UGT1A5: variants seen among roughly 807,000 people sequenced by gnomAD.
The protein encoded by UGT1A5 is UDP-glucuronosyltransferase 1A5.
Under a neutral mutation model 40.3 loss-of-function variants are expected in UGT1A5, and 29 were observed. The ratio of observed to expected loss-of-function variants is 0.72; its 90% CI spans 0.54 to 0.98. The LOEUF (loss-of-function observed/expected upper bound fraction) is 0.98, where lower values mean the gene tolerates loss of function less well. Among genes scored for constraint, UGT1A5 ranks in the 50% least tolerant of loss-of-function variants. The pLI is 0.00. For missense variants in UGT1A5, 678 were observed against 677.9 expected (o/e 1.00, Z 0.00); for synonymous variants, 257 against 262.5 (o/e 0.98, Z 0.20).
intron 1 of UGT1A5, chr2:233,760,247 T>TAA: frequency 6.2e-7 from 1 of 1,608,794 alleles, no homozygotes; most frequent in Non-Finnish European, 8.5e-7. Flanking sequence ...TATATATATA[T>TAA]AAGTAGGAGA....
In UGT1A5 at chr2:233,769,769, T is replaced by A. The variant is rs979940706; in HGVS notation, c.1307+1330T>A. 1.4e-6 allele frequency: 2 copies of A among 1,395,436 alleles called. No individual in the cohort carries two copies. Among genetic ancestry groups the A allele is most frequent in the Non-Finnish European group, 1.9e-6 (2 of 1,067,626 alleles). The allele number at this position is 1,395,436 out of a possible 1,614,324, so 86.4% of individuals were successfully genotyped here. ...ACTCTGGAGGCTAAGGCGGGAGGAT[T>A]GCTTGAGCCCAGAAGTTGGAGGCTG... is the stretch of plus-strand genomic sequence containing the variant. On this transcript the variant is annotated intron_variant, in intron 4 of 4. Transcript: ENST00000373414. This position sits in a 1 kb window ranked among gnomAD's most constrained non-coding sequence, Gnocchi z 4.4.
intron 1 of UGT1A5, among the ~76,000 whole-genome samples, chr2:233,733,062 C>T (rs1195165933): frequency 2.0e-5 from 3 of 152,118 alleles, no homozygotes; most frequent in Admixed American, 6.5e-5. Flanking sequence ...ATTTTATTCT[C>T]TTTGTAGCAA....
At chr2:233,771,437 T>C (rs981684428) in intron 4 of UGT1A5, 1 of 152,226 alleles carries the variant, frequency 6.6e-6, no homozygotes, top group Non-Finnish European at 1.5e-5. Context: ...CATTTTGCAC[T>C]AAGTGGCTGC....
chr2:233,749,470 C>T (rs7604115), intron 1 of UGT1A5, among the ~76,000 whole-genome samples: 55,875 of 151,612 alleles, frequency 0.37, 10,826 homozygotes, highest in African/African-American at 0.42. Context: ...GGAACTGTGG[C>T]ACAGATCACT....
intron 1 of UGT1A5, among the ~76,000 whole-genome samples, chr2:233,751,857 T>A (rs1270227415): frequency 6.6e-6 from 1 of 152,184 alleles, no homozygotes; most frequent in African/African-American, 2.4e-5. Context: ...ACCTTTGTCT[T>A]TTATAAATTA....
At chr2:233,733,369 T>G (rs13410335) in intron 1 of UGT1A5, among the ~76,000 whole-genome samples, 57,553 of 151,946 alleles carry the variant, frequency 0.38, 11,204 homozygotes, top group African/African-American at 0.46. Flanking sequence ...GTGAGAGAGG[T>G]CATCCTTGTT....
rs766438569 is a variant in UGT1A5, at chr2:233,729,630, T to G, written c.867+15772T>G. 4 of 1,613,982 alleles carry G rather than the reference T, an allele frequency of 2.5e-6. No homozygotes were observed. The South Asian group carries it at 4.4e-5, about 18-fold the overall frequency. ...TGCTGGCTAAGTACCTGTCGATTCCTACTGTGTTTTTTTTGAGGAACATTC... is the reference window on the plus strand; with the variant it reads ...TGCTGGCTAAGTACCTGTCGATTCCGACTGTGTTTTTTTTGAGGAACATTC... On this transcript the variant is annotated intron_variant, in intron 1 of 4. Transcript: ENST00000373414.
In UGT1A5 at chr2:233,769,373, C is replaced by T. The variant is rs1030548501; in HGVS notation, c.1307+934C>T. On this transcript the variant is annotated intron_variant, in intron 4 of 4. Coordinates refer to ENST00000373414, the MANE Select transcript of UGT1A5 (RefSeq NM_019078.2). The surrounding 1 kb of genome is among the most constrained non-coding windows in gnomAD (Gnocchi z 4.4). The stretch of plus-strand genomic sequence containing the variant: ...AGAAGTGGTGGCCAGTGGTAGATTT[C>T]ATCCGACAATAGATACTGTGTGCAT... Among the ~76,000 whole-genome samples, 1 of 152,206 alleles carries T rather than the reference C, an allele frequency of 6.6e-6. No individual in the cohort carries two copies. The highest frequency in any genetic ancestry group is 2.4e-5 in the African/African-American group (1 of 41,452).
chr2:233,768,250 A>G lies in UGT1A5; in HGVS notation c.1118A>G (p.His373Arg). 1 of 1,614,148 alleles carries G rather than the reference A, an allele frequency of 6.2e-7. No individual in the cohort carries two copies. Among genetic ancestry groups the G allele is most frequent in the South Asian group, 1.1e-5 (1 of 91,078 alleles). ...GHPMTRAFITHAGSHGVYESI... is the reference protein window; with the variant it reads ...GHPMTRAFITRAGSHGVYESI... ...CCGATGACCCGTGCCTTTATCACCC[A>G]TGCTGGTTCCCATGGTGTTTATGAA... The change falls in exon 4 of 5, where the codon CAT becomes CGT. Residue 373 changes from histidine to arginine, a missense_variant. Transcript: ENST00000373414.
At chr2:233,744,078 C>T (rs1450419320) in intron 1 of UGT1A5, 2 of 455,950 alleles carry the variant, frequency 4.4e-6, no homozygotes, top group Non-Finnish European at 7.4e-6. Context: ...CGCCTCGCAT[C>T]CCAAGATGCA....
rs200461003 is a variant in UGT1A5, at chr2:233,713,543, C to A, written c.552C>A (p.Gly184=). ...TTCCATGTGATTTAGACTTTAAGGGCACACAGTGTCCAAACCCTTCCTCCT... is the reference window on the plus strand; with the variant it reads ...TTCCATGTGATTTAGACTTTAAGGGAACACAGTGTCCAAACCCTTCCTCCT... The part of the protein sequence containing the change: ...RNIPCDLDFK[G]TQCPNPSSYI... Residue 184 remains glycine (G), a synonymous_variant, in exon 1 of 5, where the codon GGC becomes GGA. Coordinates refer to ENST00000373414, the MANE Select transcript of UGT1A5 (RefSeq NM_019078.2). 2.1e-4 allele frequency: 343 copies of A among 1,613,956 alleles called. 1 individual carries two copies. The highest frequency in any genetic ancestry group is 4.2e-6 in the Non-Finnish European group (5 of 1,179,872).
intron 1 of UGT1A5, among the ~76,000 whole-genome samples, chr2:233,724,130 C>A (rs2077172730): frequency 2.5e-5 from 3 of 120,862 alleles, no homozygotes; most frequent in Non-Finnish European, 3.4e-5. Flanking sequence ...CCCCTCACCT[C>A]CCGGACGGGG....
intron 1 of UGT1A5, chr2:233,747,636 A>C: frequency 3.8e-6 from 6 of 1,581,726 alleles, no homozygotes; most frequent in East Asian, 2.2e-5. Context: ...CAGGCACCTG[A>C]ATGCTACTTC....
chr2:233,763,501 T>C (rs1395198282), intron 1 of UGT1A5, among the ~76,000 whole-genome samples: 3 of 152,238 alleles, frequency 2.0e-5, no homozygotes, highest in Non-Finnish European at 4.4e-5. Context: ...CAGTTTACTT[T>C]ATGTTTAGTT....
intron 1 of UGT1A5, among the ~76,000 whole-genome samples, chr2:233,749,604 A>G (rs7556676): frequency 0.45 from 68,782 of 151,558 alleles, 16,251 homozygotes; most frequent in South Asian, 0.58. Flanking sequence ...GTCACACTAG[A>G]TTTATCATGA....
At chr2:233,715,060 A>AT (rs2076430472) in intron 1 of UGT1A5, among the ~76,000 whole-genome samples, 2 of 151,556 alleles carry the variant, frequency 1.3e-5, no homozygotes, top group African/African-American at 2.4e-5. Context: ...TTTTTTTTGT[A>AT]TTTTTTATGG....
At position 233,747,777 on chromosome 2, in the gene UGT1A5, A is replaced by G. The variant is rs1038765158; in HGVS notation, c.868-19257A>G. On this transcript the variant is annotated intron_variant, in intron 1 of 4. Transcript: ENST00000373414. ...AGACTTTAAGGGCACACAGTGTCCA[A>G]ATCCTTCCTCCTATATTCCTAAGTT... 11 of 1,613,426 alleles carry G rather than the reference A, an allele frequency of 6.8e-6. No individual in the cohort carries two copies. In the Admixed American group the frequency reaches 1.0e-4, roughly 15 times the overall value.
rs770564267 is a variant in UGT1A5 at position 233,772,524 on chromosome 2, C to A, written c.1570C>A (p.Arg524=). 1.2e-6 allele frequency: 2 copies of A among 1,613,956 alleles called. No individual in the cohort carries two copies. The highest frequency in any genetic ancestry group is 2.2e-5 in the East Asian group (1 of 44,874). Residue 524 remains arginine (R), a synonymous_variant, in exon 5 of 5, where the codon CGA becomes AGA. Transcript: ENST00000373414. ...GYRKCLGKKG[R]VKKAHKSKTH ...CCGGAAATGCTTGGGGAAAAAAGGG[C>A]GAGTTAAGAAAGCCCACAAATCCAA...
chr2:233,734,888 G>C (rs895051650), intron 1 of UGT1A5, among the ~76,000 whole-genome samples: 2 of 152,104 alleles, frequency 1.3e-5, no homozygotes, highest in African/African-American at 4.8e-5. Context: ...ACAGTTTGTT[G>C]TGATTTCTAT....
Sources: gnomAD v4.1 joint callset for allele counts (sites outside exome capture counted in the v4.1 genomes callset) on GRCh38, gnomAD v4.1.1 for gene constraint, Gnocchi (gnomAD v3.1) non-coding constraint, MANE v1.5 for transcripts, NCBI Gene and HGNC (gene_info 2026-07-23, HGNC 2026-07-21) for gene names.